The following SPAG9 variants were observed in gnomAD, a reference collection of about 807,000 sequenced individuals.
The protein encoded by SPAG9 is sperm associated antigen 9.
A neutral mutation model predicts 166.5 loss-of-function variants in SPAG9; 35 were observed. The ratio of observed to expected loss-of-function variants is 0.21; its 90% CI spans 0.16 to 0.28. The LOEUF (loss-of-function observed/expected upper bound fraction) is 0.28. SPAG9 is among the 10% of genes least tolerant of loss of function. The pLI, the probability that SPAG9 is intolerant of heterozygous loss-of-function variation, is 1.00. For missense variants in SPAG9, 1,235 were observed against 1,603.3 expected, an observed-to-expected ratio of 0.77 and a Z score of 3.92; for synonymous variants, 534 against 565.5, an observed-to-expected ratio of 0.94 and a Z score of 0.79.
intron 2 of SPAG9, among the ~76,000 whole-genome samples, chr17:51,070,151 AT>A (rs533831415): frequency 1.0e-3 from 152 of 152,154 alleles, no homozygotes; most frequent in South Asian, 4.4e-3. Flanking sequence ...TAAAAAAAAA[AT>A]ATCACTGTCA....
At chr17:50,982,254 A>G (rs771673056) in intron 25 of SPAG9, among the ~76,000 whole-genome samples, 1 of 152,190 alleles carries the variant, frequency 6.6e-6, no homozygotes, top group East Asian at 1.9e-4. Context: ...AAACACATAC[A>G]TATTTCTGGA....
chr17:50,970,384 C>T (rs1973687952), intron 29 of SPAG9, among the ~76,000 whole-genome samples: 1 of 151,758 alleles, frequency 6.6e-6, no homozygotes, highest in Non-Finnish European at 1.5e-5. Context: ...TGTGGTGGTG[C>T]ATGTCTGTAA....
At chr17:51,051,403 C>A (rs111464810) in intron 3 of SPAG9, among the ~76,000 whole-genome samples, 1 of 152,162 alleles carries the variant, frequency 6.6e-6, no homozygotes, top group African/African-American at 2.4e-5. Flanking sequence ...CCACTGCACT[C>A]GGCCAAGGTG....
At chr17:51,066,912 C>T (rs1222066885) in intron 2 of SPAG9, among the ~76,000 whole-genome samples, 1 of 151,882 alleles carries the variant, frequency 6.6e-6, no homozygotes, top group East Asian at 1.9e-4. Flanking sequence ...GGATAGTTTA[C>T]GTCTGTTATT....
intron 1 of SPAG9, among the ~76,000 whole-genome samples, chr17:51,100,703 T>C (rs1178020767): frequency 6.6e-6 from 1 of 152,150 alleles, no homozygotes; most frequent in Non-Finnish European, 1.5e-5. Context: ...GAGGATCAAC[T>C]GAGGTTGGGA....
At chr17:50,983,648 T>C (rs1267059782) in intron 24 of SPAG9, among the ~76,000 whole-genome samples, 1 of 152,238 alleles carries the variant, frequency 6.6e-6, no homozygotes, top group Non-Finnish European at 1.5e-5. Flanking sequence ...TTACTTGTCT[T>C]ATTCTGTCAA....
intron 19 of SPAG9, among the ~76,000 whole-genome samples, chr17:50,992,876 C>A (rs1391600423): frequency 6.6e-6 from 1 of 151,872 alleles, no homozygotes; most frequent in East Asian, 1.9e-4. Context: ...GCGGGCAGAT[C>A]ACGAGGTCTA....
intron 8 of SPAG9, among the ~76,000 whole-genome samples, chr17:51,017,336 C>T (rs1161928590): frequency 6.6e-6 from 1 of 152,046 alleles, no homozygotes; most frequent in Non-Finnish European, 1.5e-5. Context: ...AGGGGCAGGA[C>T]GAACATGTTA....
intron 3 of SPAG9, among the ~76,000 whole-genome samples, chr17:51,053,854 A>AAATATATATAT (rs1491529465): frequency 2.0e-4 from 7 of 34,444 alleles, no homozygotes; most frequent in Admixed American, 4.8e-4. Flanking sequence ...AAAAAAAAAA[A>AAATATATATAT]GTATATATAT....
intron 24 of SPAG9, among the ~76,000 whole-genome samples, chr17:50,982,881 G>A (rs555961367): frequency 7.9e-5 from 12 of 152,282 alleles, no homozygotes; most frequent in African/African-American, 2.9e-4. Flanking sequence ...CTGCTTCAAA[G>A]TGCCACCCAG....
At position 51,120,773 on chromosome 17, in the gene SPAG9, G is replaced by C; in HGVS notation, c.-117C>G. 3 of 829,276 alleles carry C rather than the reference G, an allele frequency of 3.6e-6. No individual in the cohort carries two copies. 51.4% of individuals were successfully genotyped at this position (829,276 alleles called of 1,614,324 possible). ...GGTACTAGGGCTGGAGCCCGGGCCG[G>C]GGCTGGGGCTGGGCCCGGCGGGGTG... is the stretch of plus-strand genomic sequence containing the variant. On this transcript the variant is annotated 5_prime_UTR_variant, in exon 1 of 30. Transcript: ENST00000262013. The surrounding 1 kb of genome is among the most constrained non-coding windows in gnomAD (Gnocchi z 4.7).
intron 2 of SPAG9, 42 bp from the exon 3 acceptor site, chr17:51,056,524 A>G (rs767539970): frequency 1.6e-6 from 2 of 1,280,886 alleles, no homozygotes; most frequent in East Asian, 4.6e-5. Context: ...CAAAATAAGA[A>G]ATTTACTTGA....
At chr17:51,036,667 C>G (rs1015750021) in intron 5 of SPAG9, among the ~76,000 whole-genome samples, 1 of 152,128 alleles carries the variant, frequency 6.6e-6, no homozygotes, top group African/African-American at 2.4e-5. Context: ...TACCCCCAAG[C>G]CTGGCTGCCA....
intron 5 of SPAG9, among the ~76,000 whole-genome samples, chr17:51,038,285 T>C (rs2046698556): frequency 6.6e-6 from 1 of 152,142 alleles, no homozygotes; most frequent in Non-Finnish European, 1.5e-5. Context: ...GAATTTGATC[T>C]ACCCAGATTA....
chr17:51,008,525 G>A (rs1597978636), intron 9 of SPAG9, among the ~76,000 whole-genome samples: 1 of 151,874 alleles, frequency 6.6e-6, no homozygotes, highest in Non-Finnish European at 1.5e-5. Flanking sequence ...AACTACATAC[G>A]ACAAAGGAGT....
chr17:51,056,098 A>C (rs556859201), intron 3 of SPAG9, among the ~76,000 whole-genome samples: 5 of 152,324 alleles, frequency 3.3e-5, no homozygotes, highest in African/African-American at 1.2e-4. Flanking sequence ...CTCTCATCTA[A>C]GCATCACAGA....
chr17:50,983,025 T>C (rs577604750), intron 24 of SPAG9, among the ~76,000 whole-genome samples: 1 of 152,350 alleles, frequency 6.6e-6, no homozygotes, highest in African/African-American at 2.4e-5. Context: ...CGTCTCTCAG[T>C]CACGTGCATT....
chr17:51,071,224 A>G (rs1253902014), intron 2 of SPAG9, among the ~76,000 whole-genome samples: 2 of 152,192 alleles, frequency 1.3e-5, no homozygotes, highest in Admixed American at 1.3e-4. Context: ...CAAATTTTAG[A>G]TATTTGGCTT....
At chr17:51,063,883 AAAAT>A (rs201058794) in intron 2 of SPAG9, among the ~76,000 whole-genome samples, 15 of 152,168 alleles carry the variant, frequency 9.9e-5, no homozygotes, top group Admixed American at 4.6e-4. Flanking sequence ...CTCCATCTCA[AAAAT>A]AAATAAATAA....
Sources: gnomAD v4.1 joint callset for allele counts (sites outside exome capture counted in the v4.1 genomes callset) on GRCh38, gnomAD v4.1.1 for gene constraint, Gnocchi (gnomAD v3.1) non-coding constraint, MANE v1.5 for transcripts, NCBI Gene and HGNC (gene_info 2026-07-23, HGNC 2026-07-21) for gene names.